The following SPATA9 variants were observed in gnomAD, a reference collection of about 807,000 sequenced individuals.
SPATA9 encodes the protein spermatogenesis associated 9.
Under a neutral mutation model 25.5 loss-of-function variants are expected in SPATA9, and 27 were observed. The observed-to-expected ratio is 1.06, with a 90% confidence interval of 0.78 to 1.46. SPATA9 has a LOEUF of 1.46. Ranked by LOEUF, SPATA9 falls within the 40% of genes most tolerant of loss-of-function variation. The pLI is 0.00. For missense variants in SPATA9, 282 were observed against 297.5 expected, an observed-to-expected ratio of 0.95 and a Z score of 0.38; for synonymous variants, 102 against 105.7, an observed-to-expected ratio of 0.97 and a Z score of 0.21.
At chr5:95,681,615 CTG>C (rs1255199593) in intron 2 of SPATA9, among the ~76,000 whole-genome samples, 1 of 152,124 alleles carries the variant, frequency 6.6e-6, no homozygotes, top group Non-Finnish European at 1.5e-5. Flanking sequence ...GTGTTTATCT[CTG>C]TATTTCCTCT....
At chr5:95,705,591 A>T in the SPATA9 span, among the ~76,000 whole-genome samples, 1 of 152,124 alleles carries the variant, frequency 6.6e-6, no homozygotes, top group East Asian at 1.9e-4. Flanking sequence ...TATGAAGTAC[A>T]CTCCTCTAAT....
At chr5:95,682,253 G>T (rs887402176) in intron 2 of SPATA9, among the ~76,000 whole-genome samples, 3 of 152,122 alleles carry the variant, frequency 2.0e-5, no homozygotes, top group Admixed American at 6.5e-5. Flanking sequence ...CATTGCAATT[G>T]TAGTGTTGAG....
chr5:95,691,496 C>G (rs1174459182), intron 1 of SPATA9, among the ~76,000 whole-genome samples: 2 of 152,120 alleles, frequency 1.3e-5, no homozygotes, highest in Non-Finnish European at 2.9e-5. Context: ...ATTTGACTAC[C>G]GTGGCTTAAT....
At chr5:95,719,411 C>T in the SPATA9 span, among the ~76,000 whole-genome samples, 1 of 152,246 alleles carries the variant, frequency 6.6e-6, no homozygotes, top group South Asian at 2.1e-4. Flanking sequence ...GATGGGTAAA[C>T]CTAGATGGCC....
chr5:95,654,108 C>A (rs758182819), downstream of SPATA9: 7 of 1,611,820 alleles, frequency 4.3e-6, no homozygotes, highest in Non-Finnish European at 5.9e-6. Context: ...AGGGAATATT[C>A]TTCTGTGTGT....
At chr5:95,693,192 G>A (rs918660155) in intron 1 of SPATA9, among the ~76,000 whole-genome samples, 1 of 152,158 alleles carries the variant, frequency 6.6e-6, no homozygotes, top group Non-Finnish European at 1.5e-5. Context: ...GTATCATCAA[G>A]TACAACTGAA....
At chr5:95,708,614 T>C in the SPATA9 span, 1 of 696,364 alleles carries the variant, frequency 1.4e-6, no homozygotes, top group Non-Finnish European at 2.6e-6. Flanking sequence ...AAGTCAACAT[T>C]TTGGAGTTCT....
chr5:95,700,826 T>C (rs1403305305), upstream of SPATA9, among the ~76,000 whole-genome samples: 2 of 152,234 alleles, frequency 1.3e-5, no homozygotes, highest in Non-Finnish European at 2.9e-5. Context: ...CAGTTTTACA[T>C]GTACTAGTGT....
At chr5:95,731,155 G>T in the SPATA9 span, 2 of 1,017,078 alleles carry the variant, frequency 2.0e-6, no homozygotes, top group East Asian at 1.1e-4. Flanking sequence ...CCGCGCGGGC[G>T]GCTCCTTTGT....
At chr5:95,682,280 A>G (rs927149325) in intron 2 of SPATA9, among the ~76,000 whole-genome samples, 2 of 152,130 alleles carry the variant, frequency 1.3e-5, no homozygotes, top group Non-Finnish European at 2.9e-5. Flanking sequence ...CCAGGTGTTT[A>G]CCCTAATGAC....
intron 3 of SPATA9, among the ~76,000 whole-genome samples, chr5:95,669,800 A>C (rs1752199167): frequency 6.6e-6 from 1 of 152,212 alleles, no homozygotes; most frequent in South Asian, 2.1e-4. Flanking sequence ...AAGCAGATGC[A>C]CCATTCTGTA....
At chr5:95,659,035 C>G in intron 4 of SPATA9, 122 bp from the exon 5 acceptor site, 5 of 1,280,456 alleles carry the variant, frequency 3.9e-6, no homozygotes, top group Non-Finnish European at 4.2e-6. Flanking sequence ...ATAAAAAACA[C>G]TTCTTTTCAG....
In SPATA9 at chr5:95,658,807, G is replaced by A. The variant is rs1338226705; in HGVS notation, c.581C>T (p.Ser194Phe). 3 of 1,613,848 alleles carry A rather than the reference G, an allele frequency of 1.9e-6. No individual in the cohort carries two copies. The highest frequency in any genetic ancestry group is 1.1e-5 in the South Asian group (1 of 91,072). Residue 194 changes from serine to phenylalanine, a missense_variant, in exon 5 of 5, where the codon TCT (serine) becomes TTT (phenylalanine). Ser to Phe is a radical substitution (Grantham distance 155). Coordinates refer to ENST00000274432, the MANE Select transcript of SPATA9 (RefSeq NM_031952.4). ...CATAGGCTCCGAAAGCACAGGCTCA[G>A]AAAAGGCTTTTCTACAATTTTCACT... ...EESENCRKAF[S>F]EPVLSEPMFA...
At chr5:95,665,284 C>T (rs1288693202) in intron 3 of SPATA9, among the ~76,000 whole-genome samples, 4 of 152,154 alleles carry the variant, frequency 2.6e-5, no homozygotes, top group Admixed American at 6.5e-5. Context: ...CACCCTACTG[C>T]GCAGTAGAAC....
chr5:95,667,283 C>G (rs1461849663), intron 3 of SPATA9, among the ~76,000 whole-genome samples: 1 of 134,162 alleles, frequency 7.5e-6, no homozygotes, highest in Non-Finnish European at 1.5e-5. Flanking sequence ...AACAAGGAAA[C>G]CAAGAATAGG....
At chr5:95,697,859 AAAATGACATTCCATG>A (rs1580359893) in intron 1 of SPATA9, among the ~76,000 whole-genome samples, 1 of 152,164 alleles carries the variant, frequency 6.6e-6, no homozygotes, top group Admixed American at 6.6e-5. Context: ...CTTTCAAGTG[AAAATGACATTCCATG>A]AAATGACATT....
chr5:95,724,818 G>A, the SPATA9 span, among the ~76,000 whole-genome samples: 1 of 152,148 alleles, frequency 6.6e-6, no homozygotes, highest in East Asian at 1.9e-4. Context: ...TAGGGTGGCT[G>A]TGAGAATTAA....
chr5:95,723,093 G>C, the SPATA9 span, among the ~76,000 whole-genome samples: 2 of 152,064 alleles, frequency 1.3e-5, no homozygotes, highest in South Asian at 4.1e-4. Flanking sequence ...TAACATTCTA[G>C]ATCAGGGCTT....
chr5:95,677,654 A>G (rs184084471), intron 2 of SPATA9, among the ~76,000 whole-genome samples: 1 of 152,284 alleles, frequency 6.6e-6, no homozygotes, highest in Admixed American at 6.5e-5. Flanking sequence ...AAGCATAGAG[A>G]ATTCAGAAAA....
Sources: allele counts gnomAD v4.1 joint callset (sites outside exome capture counted in the v4.1 genomes callset), GRCh38; gene constraint gnomAD v4.1.1; transcripts MANE v1.5; gene names NCBI Gene and HGNC (gene_info 2026-07-23, HGNC 2026-07-21).